Variants in NAV2 observed in about 807,000 individuals in gnomAD.
NAV2 encodes helicase, APC down-regulated 1.
NAV2 carries 54 observed loss-of-function variants against 223.2 expected under a neutral mutation model. That is an observed-to-expected ratio of 0.24 (90% CI 0.19 to 0.30). The LOEUF (loss-of-function observed/expected upper bound fraction) is 0.30. Among genes scored for constraint, NAV2 ranks in the 10% least tolerant of loss-of-function variants. The pLI, the probability that NAV2 is intolerant of heterozygous loss-of-function variation, is 1.00. For missense variants in NAV2, 2,806 were observed against 3,147.5 expected, an observed-to-expected ratio of 0.89 and a Z score of 2.60; for synonymous variants, 1,279 against 1,239.3, an observed-to-expected ratio of 1.03 and a Z score of -0.67.
chr11:20,109,882 T>G (rs1302000773), intron 36 of NAV2, among the ~76,000 whole-genome samples: 2 of 152,272 alleles, frequency 1.3e-5, no homozygotes, highest in African/African-American at 4.8e-5. Context: ...AGCCTGTCTG[T>G]GCTCCAGCCT....
intron 1 of NAV2, among the ~76,000 whole-genome samples, chr11:19,616,950 C>T (rs1053758115): frequency 1.3e-5 from 2 of 152,050 alleles, no homozygotes; most frequent in Non-Finnish European, 2.9e-5. Flanking sequence ...GGGAAAATTA[C>T]TTACCCTCTG....
chr11:19,448,833 A>C (rs1293981387), intron 1 of NAV2, among the ~76,000 whole-genome samples: 1 of 152,224 alleles, frequency 6.6e-6, no homozygotes, highest in Non-Finnish European at 1.5e-5. Flanking sequence ...TGATAAATAA[A>C]GACTCTTTGG....
chr11:19,558,784 G>C (rs1258946805), intron 1 of NAV2, among the ~76,000 whole-genome samples: 1 of 152,184 alleles, frequency 6.6e-6, no homozygotes, highest in Non-Finnish European at 1.5e-5. Flanking sequence ...TTTTCTCATA[G>C]ACAAGGAATG....
chr11:20,075,115 A>G (rs1323241047), intron 22 of NAV2, among the ~76,000 whole-genome samples: 1 of 152,100 alleles, frequency 6.6e-6, no homozygotes, highest in Non-Finnish European at 1.5e-5. Context: ...TGACTGTCAT[A>G]AATTGATTGG....
In NAV2 at chr11:19,919,637, T is replaced by G. The variant is rs1443119; in HGVS notation, c.932-13539T>G. 7.9e-3 allele frequency among the ~76,000 whole-genome samples: 1,207 copies of G among 152,342 alleles called. 19 individuals are homozygous for G. Among genetic ancestry groups the G allele is most frequent in the African/African-American group, 0.028 (1,158 of 41,584 alleles). ...TTGGGTTAGAGACCTGGTCCCATCT[T>G]GCTTATGAAAGAGAATAACGCCACC... On this transcript the variant is annotated intron_variant, in intron 6 of 37. Transcript: ENST00000349880.
chr11:19,530,787 C>G (rs2044006381), intron 1 of NAV2, among the ~76,000 whole-genome samples: 1 of 152,238 alleles, frequency 6.6e-6, no homozygotes, highest in Non-Finnish European at 1.5e-5. Context: ...TAACTCAAAA[C>G]AGCCCTGAAA....
At chr11:19,441,471 C>CAT (rs1321210344) in intron 1 of NAV2, among the ~76,000 whole-genome samples, 3 of 151,900 alleles carry the variant, frequency 2.0e-5, no homozygotes, top group Non-Finnish European at 2.9e-5. Context: ...CACACACACA[C>CAT]ACCCTTCAAC....
chr11:20,016,758 G>A (rs2054037926), intron 11 of NAV2, among the ~76,000 whole-genome samples: 2 of 152,144 alleles, frequency 1.3e-5, no homozygotes, highest in South Asian at 4.1e-4. Context: ...CACCTTGGGA[G>A]GCCAAGGAAG....
chr11:19,656,560 G>T (rs2048131794), intron 1 of NAV2, among the ~76,000 whole-genome samples: 2 of 152,348 alleles, frequency 1.3e-5, no homozygotes, highest in Admixed American at 1.3e-4. Context: ...CTCCATGTTT[G>T]AAGGGAAGGC....
At chr11:19,822,683 A>G (rs572378635) in intron 1 of NAV2, among the ~76,000 whole-genome samples, 1 of 152,314 alleles carries the variant, frequency 6.6e-6, no homozygotes, top group East Asian at 1.9e-4. Flanking sequence ...TAAAAAGAGA[A>G]GAAACCAGCA....
At chr11:19,835,769 TTCTACATAAAATTTTATATATA>T (rs1272830162) in intron 2 of NAV2, among the ~76,000 whole-genome samples, 1 of 151,208 alleles carries the variant, frequency 6.6e-6, no homozygotes, top group African/African-American at 2.5e-5. Context: ...ACATAAAATT[TTCTACATAAAATTTTATATATA>T]TCTACATAAA....
At position 19,781,792 on chromosome 11, in the gene NAV2, C is replaced by T. The variant is rs1003188763; in HGVS notation, c.268-50692C>T. On this transcript the variant is annotated intron_variant, in intron 1 of 37. Coordinates refer to ENST00000349880, the MANE Select transcript of NAV2 (RefSeq NM_145117.5). ...TTTTTAATCCCTAACTTTATGGAGG[C>T]TTAATTGCCAAATAAAAATTGTATA... Among the ~76,000 whole-genome samples, 4 of 151,624 alleles carry T rather than the reference C, an allele frequency of 2.6e-5. No homozygotes were observed. The South Asian group carries it at 8.4e-4, about 32-fold the overall frequency.
At chr11:20,057,890 C>T (rs986272786) in intron 19 of NAV2, among the ~76,000 whole-genome samples, 1 of 152,172 alleles carries the variant, frequency 6.6e-6, no homozygotes, top group Non-Finnish European at 1.5e-5. Context: ...AAGTGCTTGC[C>T]CACAAGCAGT....
At chr11:19,865,307 A>T (rs2585786) in intron 3 of NAV2, among the ~76,000 whole-genome samples, 5 of 152,206 alleles carry the variant, frequency 3.3e-5, no homozygotes, top group African/African-American at 7.2e-5. Flanking sequence ...CCCTCTTGAG[A>T]TGTGGTAGGA....
intron 1 of NAV2, among the ~76,000 whole-genome samples, chr11:19,602,339 G>A (rs755691900): frequency 7.2e-5 from 11 of 151,860 alleles, no homozygotes; most frequent in South Asian, 6.3e-4. Flanking sequence ...CACCATGCCC[G>A]GCTAATTTTT....
intron 1 of NAV2, among the ~76,000 whole-genome samples, chr11:19,689,134 C>A (rs2049099781): frequency 6.6e-6 from 1 of 152,102 alleles, no homozygotes. Flanking sequence ...TCTTGGCTGC[C>A]CTGGTCAAGG....
intron 1 of NAV2, among the ~76,000 whole-genome samples, chr11:19,455,145 C>A (rs1300280283): frequency 6.6e-6 from 1 of 152,118 alleles, no homozygotes; most frequent in East Asian, 1.9e-4. Flanking sequence ...ACTGGTAGGT[C>A]TTGGTAGGGC....
chr11:19,610,843 G>T (rs923491289), intron 1 of NAV2, among the ~76,000 whole-genome samples: 2 of 152,174 alleles, frequency 1.3e-5, no homozygotes, highest in South Asian at 2.1e-4. Flanking sequence ...TGGATGAATT[G>T]GTGGGTGGGT....
Position 19,934,204 on chromosome 11 carries a change from A to G in NAV2, c.1960A>G (p.Ser654Gly). The G allele has an allele frequency of 6.2e-7, 1 of 1,613,612 alleles. No homozygotes were observed. The highest frequency in any genetic ancestry group is 8.5e-7 in the Non-Finnish European group (1 of 1,179,820). The change falls in exon 7 of 38, where the codon AGT (serine) becomes GGT (glycine). Residue 654 changes from serine to glycine, a missense_variant. Transcript: ENST00000349880. Reference protein sequence around the residue: ...TTQTTGSNTVSVQLPQPQQQY... With the variant: ...TTQTTGSNTVGVQLPQPQQQY... Reference sequence around the variant, plus strand: ...CCAGACCACAGGAAGCAATACCGTCAGTGTTCAGCTACCTCAGCCCCAGCA... The same window carrying G: ...CCAGACCACAGGAAGCAATACCGTCGGTGTTCAGCTACCTCAGCCCCAGCA...
Sources: allele counts gnomAD v4.1 joint callset (sites outside exome capture counted in the v4.1 genomes callset), GRCh38; gene constraint gnomAD v4.1.1; transcripts MANE v1.5; gene names NCBI Gene and HGNC (gene_info 2026-07-23, HGNC 2026-07-21).